The following USP45 variants were observed in gnomAD, a reference collection of about 807,000 sequenced individuals.
The protein encoded by USP45 is ubiquitin carboxyl-terminal hydrolase 45.
Under a neutral mutation model 95.8 loss-of-function variants are expected in USP45, and 89 were observed. The observed-to-expected ratio is 0.93, with a 90% CI of 0.78 to 1.11. USP45 has a LOEUF of 1.11. Among genes scored for constraint, USP45 ranks in the 50% least tolerant of loss-of-function variants. The pLI, the probability that USP45 is intolerant of heterozygous loss-of-function variation, is 0.00. For missense variants in USP45, 898 were observed against 942.5 expected (o/e 0.95, Z 0.62); for synonymous variants, 281 against 316.2 (o/e 0.89, Z 1.18).
At chr6:99,442,533 C>G (rs1194755789) in intron 15 of USP45, among the ~76,000 whole-genome samples, 1 of 152,194 alleles carries the variant, frequency 6.6e-6, no homozygotes, top group African/African-American at 2.4e-5. Context: ...GAAAGTCTTT[C>G]ACACAGAGGT....
chr6:99,511,843 G>GTATA (rs1200216368), intron 1 of USP45, among the ~76,000 whole-genome samples: 1 of 4,986 alleles, frequency 2.0e-4, no homozygotes, highest in Non-Finnish European at 3.1e-4. Context: ...ATGTGAGTGT[G>GTATA]TGTATATATA....
At position 99,466,776 on chromosome 6, in the gene USP45, T is replaced by C. The variant is rs1324643320; in HGVS notation, c.1016-13A>G. On this transcript the variant is annotated splice_polypyrimidine_tract_variant and intron_variant, in intron 10 of 17. Transcript: ENST00000500704. ...TCTTTTCCATATGCTGTAAAAATCA[T>C]ACTTTTTAATGCAAAAAACATGTCA... The C allele has an allele frequency of 2.5e-6, 4 of 1,603,992 alleles. No individual in the cohort carries two copies. The highest frequency in any genetic ancestry group is 1.1e-5 in the South Asian group (1 of 90,730).
At chr6:99,448,930 T>C (rs1035195960) in intron 13 of USP45, among the ~76,000 whole-genome samples, 43 of 152,142 alleles carry the variant, frequency 2.8e-4, no homozygotes, top group Non-Finnish European at 1.0e-4. Context: ...CTAAGCTTCA[T>C]AAGTGAACGA....
intron 16 of USP45, among the ~76,000 whole-genome samples, chr6:99,439,373 C>A (rs888346017): frequency 6.6e-6 from 1 of 152,302 alleles, no homozygotes; most frequent in East Asian, 1.9e-4. Context: ...TGAAGTGGCA[C>A]GAAAGACAAT....
chr6:99,459,285 C>G (rs1785815336), intron 13 of USP45, among the ~76,000 whole-genome samples: 1 of 152,144 alleles, frequency 6.6e-6, no homozygotes, highest in Admixed American at 6.5e-5. Context: ...TGGCCTCCAG[C>G]TCCATCCACG....
intron 5 of USP45, chr6:99,501,739 C>T (rs796368354): frequency 7.9e-5 from 23 of 289,554 alleles, no homozygotes; most frequent in South Asian, 5.9e-4. Context: ...TCTTAACATA[C>T]GTTATGTATT....
At chr6:99,445,647 T>C (rs1460971435) in intron 14 of USP45, 150 bp downstream of exon 14, 6 of 610,890 alleles carry the variant, frequency 9.8e-6, no homozygotes, top group Non-Finnish European at 8.1e-6. Context: ...CCCAGTATTG[T>C]AAGCGCTCAG....
In USP45 at chr6:99,470,557, G is replaced by GT. The variant is rs571294113; in HGVS notation, c.934-1940dup. ...GCAAACATAAAGCAATTCATACCGT[G>GT]TGACACAAGTCCTGAAATACACTTA... On this transcript the variant is annotated intron_variant, in intron 9 of 17. Coordinates refer to ENST00000500704, the MANE Select transcript of USP45 (RefSeq NM_001346022.3). 5.3e-5 allele frequency among the ~76,000 whole-genome samples: 8 copies of GT among 152,250 alleles called. No homozygotes were observed. In the South Asian group the frequency reaches 1.7e-3, roughly 32 times the overall value.
intron 5 of USP45, chr6:99,502,095 T>G: frequency 2.5e-6 from 3 of 1,202,336 alleles, no homozygotes; most frequent in Non-Finnish European, 3.2e-6. Flanking sequence ...CAATCAATCA[T>G]GCCTACACAA....
intron 4 of USP45, 40 bp downstream of exon 4, chr6:99,507,388 T>A: frequency 8.0e-7 from 1 of 1,247,222 alleles, no homozygotes. Flanking sequence ...ATTGGGGGGC[T>A]GTGGTTAGTG....
chr6:99,441,487 G>A (rs893606957), intron 15 of USP45, among the ~76,000 whole-genome samples: 1 of 151,608 alleles, frequency 6.6e-6, no homozygotes, highest in Non-Finnish European at 1.5e-5. Flanking sequence ...AGCCGAGATC[G>A]CGCCATTGCA....
chr6:99,432,541 G>T lies in USP45; in HGVS notation c.*3175C>A, dbSNP rs1333334327. 1 of 151,118 alleles carries T rather than the reference G, an allele frequency of 6.6e-6. No individual in the cohort carries two copies. The highest frequency in any genetic ancestry group is 2.4e-5 in the African/African-American group (1 of 41,116). 9.4% of individuals were successfully genotyped at this position (151,118 alleles called of 1,614,324 possible). On this transcript the variant is annotated 3_prime_UTR_variant, in exon 18 of 18. Coordinates refer to ENST00000500704, the MANE Select transcript of USP45 (RefSeq NM_001346022.3). ...GCTGTTTTCTAGAAACATGGCAAAA[G>T]AAAAAAAACAGTAGGAATAATATGT...
chr6:99,469,486 A>T (rs867862871), intron 9 of USP45, among the ~76,000 whole-genome samples: 133 of 136,784 alleles, frequency 9.7e-4, no homozygotes, highest in African/African-American at 3.4e-3. Flanking sequence ...ATATATATAT[A>T]TTTTTTTTTT....
chr6:99,506,408 A>G (rs1798536578), intron 4 of USP45, among the ~76,000 whole-genome samples: 1 of 152,334 alleles, frequency 6.6e-6, no homozygotes, highest in South Asian at 2.1e-4. Flanking sequence ...TCCCAGGTTC[A>G]AGCGATTCTC....
rs6570063 is a variant in USP45 at position 99,435,252 on chromosome 6, C to T, written c.*464G>A. 0.96 allele frequency: 146,401 copies of T among 152,494 alleles called. 70,554 individuals are homozygous for T. The highest frequency in any genetic ancestry group is 1 in the East Asian group (5,194 of 5,194). The allele number at this position is 152,494 out of a possible 1,614,324, so 9.4% of individuals were successfully genotyped here. A position where few individuals can be genotyped will look rare whatever the true frequency, so the allele number is the denominator to read the frequency against. On this transcript the variant is annotated 3_prime_UTR_variant, in exon 18 of 18. Transcript: ENST00000500704. Reference sequence around the variant, plus strand: ...TAAAAATATAAAAGCACATAAAACACGGAATATGATTGCTCAAAACAAGAC... The same window carrying T: ...TAAAAATATAAAAGCACATAAAACATGGAATATGATTGCTCAAAACAAGAC...
intron 8 of USP45, among the ~76,000 whole-genome samples, chr6:99,481,822 T>C (rs1792504753): frequency 1.3e-5 from 2 of 152,098 alleles, no homozygotes; most frequent in Non-Finnish European, 2.9e-5. Flanking sequence ...GCTGCATCCA[T>C]GTTGTCGCAA....
At chr6:99,462,117 A>T in intron 13 of USP45, 2 of 985,170 alleles carry the variant, frequency 2.0e-6, no homozygotes, top group South Asian at 4.7e-5. Flanking sequence ...TTCCCATCAA[A>T]ACCAAAAAAA....
intron 13 of USP45, among the ~76,000 whole-genome samples, chr6:99,453,476 C>T (rs1337650579): frequency 1.3e-5 from 2 of 151,932 alleles, no homozygotes; most frequent in East Asian, 3.9e-4. Context: ...TGAAAGACCT[C>T]CACAAGGAAA....
At chr6:99,461,132 A>G (rs1285317650) in intron 13 of USP45, 2 of 984,500 alleles carry the variant, frequency 2.0e-6, no homozygotes, top group East Asian at 2.3e-4. Context: ...CATAAAACTA[A>G]TATACTTATG....
Sources: gnomAD v4.1 joint callset for allele counts (sites outside exome capture counted in the v4.1 genomes callset) on GRCh38, gnomAD v4.1.1 for gene constraint, MANE v1.5 for transcripts, NCBI Gene and HGNC (gene_info 2026-07-23, HGNC 2026-07-21) for gene names.